CSNK2A2IP: variants seen among roughly 807,000 people sequenced by gnomAD.
CSNK2A2IP encodes casein kinase 2 subunit alpha' interacting protein.
chr3:88,440,555 A>C, the CSNK2A2IP span, among the ~76,000 whole-genome samples: 3,015 of 152,286 alleles, frequency 0.02, 100 homozygotes, highest in African/African-American at 0.068. Flanking sequence ...ATTGTCTTAA[A>C]TGTTTTAAAA....
the CSNK2A2IP span, among the ~76,000 whole-genome samples, chr3:88,439,819 T>A: frequency 3.3e-5 from 5 of 151,212 alleles, no homozygotes; most frequent in Admixed American, 1.3e-4. Flanking sequence ...CTTTAAAAAA[T>A]TTTGTTTTGA....
chr3:88,340,079 G>A, the CSNK2A2IP span, among the ~76,000 whole-genome samples: 2 of 152,016 alleles, frequency 1.3e-5, no homozygotes, highest in South Asian at 2.1e-4. Context: ...TTTTCTATAT[G>A]TACCAAGAAA....
chr3:88,422,673 T>C, the CSNK2A2IP span, among the ~76,000 whole-genome samples: 1 of 152,206 alleles, frequency 6.6e-6, no homozygotes, highest in African/African-American at 2.4e-5. Context: ...ATTTCTCAAA[T>C]AAATAGGTTT....
At chr3:88,431,380 T>A in the CSNK2A2IP span, 1 of 152,252 alleles carries the variant, frequency 6.6e-6, no homozygotes, top group Admixed American at 6.5e-5. Context: ...TTGTATGTTC[T>A]CACTCTTAGG....
At chr3:88,387,474 CAT>C in the CSNK2A2IP span, among the ~76,000 whole-genome samples, 1 of 152,112 alleles carries the variant, frequency 6.6e-6, no homozygotes, top group Non-Finnish European at 1.5e-5. Flanking sequence ...CGGCCAAACA[CAT>C]GTTTTTACTA....
At chr3:88,458,141 G>GT in the CSNK2A2IP span, among the ~76,000 whole-genome samples, 5,336 of 83,174 alleles carry the variant, frequency 0.064, 1,233 homozygotes, top group Non-Finnish European at 0.077. Context: ...TGTAATTGTG[G>GT]TTTTTTTTTT....
At chr3:88,382,991 T>A in the CSNK2A2IP span, among the ~76,000 whole-genome samples, 1 of 152,192 alleles carries the variant, frequency 6.6e-6, no homozygotes, top group African/African-American at 2.4e-5. Context: ...TTCCTACTGG[T>A]TAACTCTGTG....
chr3:88,421,759 A>T, the CSNK2A2IP span, among the ~76,000 whole-genome samples: 1 of 151,980 alleles, frequency 6.6e-6, no homozygotes, highest in Non-Finnish European at 1.5e-5. Flanking sequence ...TAAGGACAGC[A>T]TTTCCCTCCT....
chr3:88,382,011 G>A, the CSNK2A2IP span, among the ~76,000 whole-genome samples: 1 of 152,172 alleles, frequency 6.6e-6, no homozygotes, highest in Non-Finnish European at 1.5e-5. Flanking sequence ...CTCATTCCAA[G>A]GAAAGTGACC....
At chr3:88,466,225 A>G in the CSNK2A2IP span, 2 of 1,231,622 alleles carry the variant, frequency 1.6e-6, no homozygotes, top group Non-Finnish European at 2.0e-6. Context: ...TAACCCCACT[A>G]TTGGAGGCTT....
the CSNK2A2IP span, among the ~76,000 whole-genome samples, chr3:88,378,326 T>C: frequency 6.6e-6 from 1 of 151,942 alleles, no homozygotes; most frequent in Non-Finnish European, 1.5e-5. Flanking sequence ...TTGAATAGCA[T>C]GAACTGAACT....
chr3:88,373,603 T>TAAAAAAAAAAAAAGGAAATAAAAAAAAAA, the CSNK2A2IP span, among the ~76,000 whole-genome samples: 1 of 143,696 alleles, frequency 7.0e-6, no homozygotes. Flanking sequence ...GTAATGAAAG[T>TAAAAAAAAAAAAAGGAAATAAAAAAAAAA]AAAAAAAAAA....
chr3:88,451,426 G>GTT, the CSNK2A2IP span, among the ~76,000 whole-genome samples: 55 of 148,434 alleles, frequency 3.7e-4, no homozygotes, highest in South Asian at 1.5e-3. Flanking sequence ...TAAAATCAGG[G>GTT]TTTTTTTTTT....
chr3:88,390,285 G>T, the CSNK2A2IP span, among the ~76,000 whole-genome samples: 1 of 152,150 alleles, frequency 6.6e-6, no homozygotes, highest in South Asian at 2.1e-4. Flanking sequence ...AGCTTTTTTG[G>T]ATTAAGCATT....
At chr3:88,362,017 G>A in the CSNK2A2IP span, among the ~76,000 whole-genome samples, 12 of 151,982 alleles carry the variant, frequency 7.9e-5, no homozygotes, top group East Asian at 1.4e-3. Context: ...GAAGTCTGTC[G>A]AGCTTCTTCA....
At chr3:88,370,794 C>A in the CSNK2A2IP span, among the ~76,000 whole-genome samples, 1 of 151,656 alleles carries the variant, frequency 6.6e-6, no homozygotes, top group African/African-American at 2.4e-5. Context: ...GGAGATGGAA[C>A]CAATTAGTCC....
the CSNK2A2IP span, among the ~76,000 whole-genome samples, chr3:88,445,242 A>C: frequency 6.9e-6 from 1 of 144,232 alleles, no homozygotes. Flanking sequence ...CAGCCTGGCC[A>C]ACATGGTGAA....
At chr3:88,448,203 T>C in the CSNK2A2IP span, among the ~76,000 whole-genome samples, 1 of 152,172 alleles carries the variant, frequency 6.6e-6, no homozygotes, top group African/African-American at 2.4e-5. Flanking sequence ...ACTTCTTTTG[T>C]ATTTGTGATC....
the CSNK2A2IP span, among the ~76,000 whole-genome samples, chr3:88,371,294 G>A: frequency 0.1 from 15,680 of 151,768 alleles, 1,283 homozygotes; most frequent in Admixed American, 0.27. Context: ...AGAAAAATAC[G>A]TTCAAAGATA....
Sources: allele counts gnomAD v4.1 joint callset (sites outside exome capture counted in the v4.1 genomes callset), GRCh38; gene constraint gnomAD v4.1.1; transcripts MANE v1.5; gene names NCBI Gene and HGNC (gene_info 2026-07-23, HGNC 2026-07-21).